LARGE1: variants seen among roughly 807,000 people sequenced by gnomAD.
LARGE1 encodes xylosyl- and glucuronyltransferase LARGE1.
Under a neutral mutation model 87.6 loss-of-function variants are expected in LARGE1, and 43 were observed. The ratio of observed to expected loss-of-function variants is 0.49; its 90% CI spans 0.38 to 0.63. LARGE1 has a LOEUF of 0.63. LARGE1 is among the 30% of genes least tolerant of loss of function. The pLI is 0.00. For synonymous variants in LARGE1, 434 were observed against 394.6 expected, an observed-to-expected ratio of 1.10 and a Z score of -1.18; for missense variants, 802 against 1,000.2, an observed-to-expected ratio of 0.80 and a Z score of 2.67.
chr22:33,244,137 C>T (rs1602140121), intron 11 of LARGE1, among the ~76,000 whole-genome samples: 2 of 151,626 alleles, frequency 1.3e-5, no homozygotes, highest in Non-Finnish European at 2.9e-5. Context: ...TACAGGCACC[C>T]GCCACCAAGC....
chr22:33,410,617 G>A (rs2066275694), intron 7 of LARGE1, among the ~76,000 whole-genome samples: 1 of 152,040 alleles, frequency 6.6e-6, no homozygotes, highest in African/African-American at 2.4e-5. Flanking sequence ...CCAGCCATGT[G>A]GAACTGTGAG....
At chr22:33,846,493 C>G (rs1222689843) in intron 1 of LARGE1, among the ~76,000 whole-genome samples, 1 of 152,108 alleles carries the variant, frequency 6.6e-6, no homozygotes, top group Non-Finnish European at 1.5e-5. Context: ...AATATGAAAT[C>G]TGGGCACCTT....
chr22:33,573,426 G>A (rs956065544), intron 5 of LARGE1, among the ~76,000 whole-genome samples: 16 of 152,150 alleles, frequency 1.1e-4, no homozygotes, highest in African/African-American at 2.4e-4. Context: ...GCAACAAAGC[G>A]AGACTCTGCT....
intron 5 of LARGE1, 26 bp downstream of exon 5, chr22:33,604,409 G>A (rs774775433): frequency 1.8e-5 from 29 of 1,613,772 alleles, no homozygotes; most frequent in Middle Eastern, 3.3e-4. Flanking sequence ...AGGAGATCAC[G>A]GAAGTGCCTC....
exon 12 of LARGE1, chr22:33,166,693 A>G (rs1922291780): frequency 3.2e-5 from 15 of 468,680 alleles, no homozygotes; most frequent in South Asian, 2.3e-4. Context: ...CCGTTCCAAC[A>G]TGCTGTAAAA....
intron 2 of LARGE1, among the ~76,000 whole-genome samples, chr22:33,663,222 T>C (rs749429332): frequency 1.3e-5 from 2 of 152,148 alleles, no homozygotes; most frequent in African/African-American, 4.8e-5. Context: ...GGATGGGCAC[T>C]TGGCAAAGAT....
intron 14 of LARGE1, among the ~76,000 whole-genome samples, chr22:33,276,393 G>A (rs1471285459): frequency 1.3e-5 from 2 of 152,166 alleles, no homozygotes; most frequent in Non-Finnish European, 2.9e-5. Context: ...TTTAAAGACT[G>A]TAAGACTGAA....
intron 2 of LARGE1, chr22:33,725,891 C>CT (rs949971517): frequency 1.1e-5 from 1 of 89,410 alleles, no homozygotes; most frequent in Non-Finnish European, 2.0e-5. Flanking sequence ...CAATTTGCCC[C>CT]CCTGCCGCGG....
chr22:33,153,018 T>A, the LARGE1 span, among the ~76,000 whole-genome samples: 2 of 152,180 alleles, frequency 1.3e-5, no homozygotes, highest in East Asian at 3.8e-4. Context: ...ACTCTGATTA[T>A]AATTCTCTGT....
intron 6 of LARGE1, among the ~76,000 whole-genome samples, chr22:33,564,024 G>A (rs919009821): frequency 2.6e-5 from 4 of 152,132 alleles, no homozygotes. Flanking sequence ...TGCTTTCATA[G>A]GATATGGAGC....
At chr22:33,440,536 C>T (rs938585446) in intron 6 of LARGE1, among the ~76,000 whole-genome samples, 52 of 152,114 alleles carry the variant, frequency 3.4e-4, no homozygotes, top group African/African-American at 7.7e-4. Flanking sequence ...TAGTGCTCTC[C>T]CAACCTCATA....
At chr22:33,076,443 T>C in the LARGE1 span, among the ~76,000 whole-genome samples, 1 of 152,146 alleles carries the variant, frequency 6.6e-6, no homozygotes, top group Non-Finnish European at 1.5e-5. Context: ...ACTTGTGTTT[T>C]GTAATTTCTA....
intron 6 of LARGE1, among the ~76,000 whole-genome samples, chr22:33,525,484 C>G (rs2071840244): frequency 6.6e-6 from 1 of 152,134 alleles, no homozygotes; most frequent in Non-Finnish European, 1.5e-5. Context: ...TTGCATGTCA[C>G]TGAGAGTAAA....
At chr22:33,648,698 C>T (rs2080697363) in intron 3 of LARGE1, among the ~76,000 whole-genome samples, 1 of 152,206 alleles carries the variant, frequency 6.6e-6, no homozygotes, top group Admixed American at 6.5e-5. Context: ...AAGCCACTGA[C>T]AGTGGTTGTC....
chr22:33,821,847 C>A (rs768608803), intron 1 of LARGE1, among the ~76,000 whole-genome samples: 3 of 151,436 alleles, frequency 2.0e-5, no homozygotes, highest in Non-Finnish European at 4.4e-5. Context: ...AGGAATTAGA[C>A]TGAAAAGCCT....
At chr22:33,223,010 C>G (rs1458901601) in intron 11 of LARGE1, among the ~76,000 whole-genome samples, 2 of 152,176 alleles carry the variant, frequency 1.3e-5, no homozygotes, top group Non-Finnish European at 2.9e-5. Context: ...TTGTAAAGAG[C>G]CTGCCCCTAT....
At chr22:33,217,431 C>T (rs1317858053) in intron 11 of LARGE1, among the ~76,000 whole-genome samples, 3 of 152,106 alleles carry the variant, frequency 2.0e-5, no homozygotes, top group African/African-American at 7.2e-5. Context: ...GTTTGAGAAC[C>T]ACTGAAGTTG....
At chr22:33,334,435 A>AAAAAAAAAAAAC (rs796682561) in intron 10 of LARGE1, among the ~76,000 whole-genome samples, 1 of 144,992 alleles carries the variant, frequency 6.9e-6, no homozygotes, top group African/African-American at 2.7e-5. Context: ...AAAAAAAAAA[A>AAAAAAAAAAAAC]CACCAAACAA....
chr22:33,616,481 G>T, intron 4 of LARGE1, among the ~76,000 whole-genome samples: 1 of 151,380 alleles, frequency 6.6e-6, no homozygotes, highest in East Asian at 1.9e-4. Flanking sequence ...GCAGTGAGCC[G>T]AGATCACACC....
Sources: allele counts gnomAD v4.1 joint callset (sites outside exome capture counted in the v4.1 genomes callset), GRCh38; gene constraint gnomAD v4.1.1; transcripts MANE v1.5; gene names NCBI Gene and HGNC (gene_info 2026-07-23, HGNC 2026-07-21).